CLYBL: variants seen among roughly 807,000 people sequenced by gnomAD.
CLYBL encodes the protein citramalyl-CoA lyase, also known as citramalyl-CoA lyase, mitochondrial.
A neutral mutation model predicts 38.9 loss-of-function variants in CLYBL; 31 were observed. The observed-to-expected ratio is 0.80, with a 90% CI of 0.60 to 1.08. The LOEUF (loss-of-function observed/expected upper bound fraction) is 1.08, where lower values mean the gene tolerates loss of function less well. Ranked by LOEUF, CLYBL falls within the 50% of genes least tolerant of loss-of-function variation. CLYBL has a pLI of 0.00. For synonymous variants in CLYBL, 171 were observed against 158.6 expected (o/e 1.08, Z -0.59); for missense variants, 434 against 411.6 (o/e 1.05, Z -0.47).
intron 1 of CLYBL, among the ~76,000 whole-genome samples, chr13:99,670,203 A>C (rs1475641576): frequency 2.0e-5 from 3 of 151,992 alleles, no homozygotes; most frequent in African/African-American, 7.2e-5. Flanking sequence ...CATCTTAAAA[A>C]AAAAAGAGCT....
At chr13:99,701,979 C>T in intron 1 of CLYBL, among the ~76,000 whole-genome samples, 1 of 152,070 alleles carries the variant, frequency 6.6e-6, no homozygotes, top group East Asian at 1.9e-4. Flanking sequence ...GAAGTGATAC[C>T]CCCTCTCCCC....
At chr13:99,901,158 G>A (rs1229981289), downstream of CLYBL, among the ~76,000 whole-genome samples, 4 of 152,162 alleles carry the variant, frequency 2.6e-5, no homozygotes, top group Non-Finnish European at 4.4e-5. Flanking sequence ...TGGCTCCCTC[G>A]ACACCACCTC....
intron 1 of CLYBL, among the ~76,000 whole-genome samples, chr13:99,708,270 C>A (rs1046856891): frequency 1.3e-5 from 2 of 152,200 alleles, no homozygotes; most frequent in African/African-American, 2.4e-5. Context: ...CGTGAGCCCT[C>A]ACACCCGGCC....
intron 1 of CLYBL, among the ~76,000 whole-genome samples, chr13:99,716,169 ATTTTTT>A (rs4001024): frequency 1.8e-3 from 59 of 33,444 alleles, no homozygotes; most frequent in African/African-American, 4.5e-3. Flanking sequence ...TATTGGTGTA[ATTTTTT>A]TTTTTTTTTT....
intron 2 of CLYBL, among the ~76,000 whole-genome samples, chr13:99,836,322 G>A (rs986829674): frequency 2.6e-5 from 4 of 152,272 alleles, no homozygotes; most frequent in Admixed American, 2.6e-4. Flanking sequence ...TTCTTCCCCT[G>A]GAGAGGGTGG....
At chr13:99,702,251 G>A (rs1362973524) in intron 1 of CLYBL, among the ~76,000 whole-genome samples, 1 of 152,014 alleles carries the variant, frequency 6.6e-6, no homozygotes, top group Non-Finnish European at 1.5e-5. Context: ...TAAGGTGCTG[G>A]GATCACAGGT....
At chr13:99,736,220 T>C (rs2048666190) in intron 1 of CLYBL, among the ~76,000 whole-genome samples, 1 of 149,616 alleles carries the variant, frequency 6.7e-6, no homozygotes. Context: ...AATTTTTGTA[T>C]TTTTAGTAGA....
intron 1 of CLYBL, among the ~76,000 whole-genome samples, chr13:99,653,472 C>T (rs1181284030): frequency 6.6e-6 from 1 of 152,166 alleles, no homozygotes; most frequent in Non-Finnish European, 1.5e-5. Flanking sequence ...TGGCAGGGGT[C>T]TCTGCCTCCC....
intron 2 of CLYBL, among the ~76,000 whole-genome samples, chr13:99,789,486 G>A (rs2049870976): frequency 6.6e-6 from 1 of 152,296 alleles, no homozygotes; most frequent in Non-Finnish European, 1.5e-5. Flanking sequence ...AGGTTGTTCA[G>A]TTTCCATGTA....
intron 4 of CLYBL, among the ~76,000 whole-genome samples, chr13:99,864,351 AT>A (rs2051685433): frequency 6.6e-6 from 1 of 151,998 alleles, no homozygotes; most frequent in Non-Finnish European, 1.5e-5. Flanking sequence ...TTGCATTTTT[AT>A]TTTCCCCTCC....
intron 1 of CLYBL, among the ~76,000 whole-genome samples, chr13:99,710,312 G>C (rs1361374452): frequency 6.6e-6 from 1 of 152,144 alleles, no homozygotes; most frequent in Non-Finnish European, 1.5e-5. Context: ...CAGAGGCCCA[G>C]AGCAATGTCG....
intron 1 of CLYBL, among the ~76,000 whole-genome samples, chr13:99,644,896 C>T (rs2047154553): frequency 1.3e-5 from 2 of 152,212 alleles, no homozygotes; most frequent in South Asian, 2.1e-4. Context: ...ATATGTACCA[C>T]AATTTCTTGA....
At chr13:99,884,096 G>A (rs145890885) in intron 7 of CLYBL, among the ~76,000 whole-genome samples, 3 of 152,248 alleles carry the variant, frequency 2.0e-5, no homozygotes, top group East Asian at 1.9e-4. Flanking sequence ...AGGCTCAAGC[G>A]ATCTTCCCCA....
chr13:99,902,408 G>A (rs916642009), intron 8 of CLYBL, among the ~76,000 whole-genome samples: 1 of 152,134 alleles, frequency 6.6e-6, no homozygotes, highest in Admixed American at 6.5e-5. Context: ...TAAGGTAAAT[G>A]TTTTCAAAAT....
intron 7 of CLYBL, among the ~76,000 whole-genome samples, chr13:99,873,256 G>A (rs995022848): frequency 3.3e-5 from 5 of 152,222 alleles, no homozygotes; most frequent in African/African-American, 1.2e-4. Context: ...TGGATCTGCA[G>A]GTAGGTGACT....
At chr13:99,702,894 T>C (rs963661730) in intron 1 of CLYBL, among the ~76,000 whole-genome samples, 4 of 152,238 alleles carry the variant, frequency 2.6e-5, no homozygotes, top group Non-Finnish European at 4.4e-5. Flanking sequence ...ATCAGTTACC[T>C]TCCTGGAGGT....
chr13:99,767,204 T>C (rs1425292613), intron 1 of CLYBL, among the ~76,000 whole-genome samples: 2 of 152,222 alleles, frequency 1.3e-5, no homozygotes, highest in Admixed American at 1.3e-4. Context: ...AGAAATCCAA[T>C]TGTCTTACCA....
chr13:99,607,815 C>A (rs547166868), intron 1 of CLYBL, among the ~76,000 whole-genome samples: 43 of 152,168 alleles, frequency 2.8e-4, no homozygotes, highest in African/African-American at 8.2e-4. Flanking sequence ...GTAATCTCGG[C>A]TTACTGCAAC....
chr13:99,797,346 C>A (rs1464523599), intron 2 of CLYBL, among the ~76,000 whole-genome samples: 2 of 152,130 alleles, frequency 1.3e-5, no homozygotes, highest in African/African-American at 4.8e-5. Flanking sequence ...GATAGTTCCA[C>A]TGACATGAAA....
Sources: allele counts gnomAD v4.1 joint callset (sites outside exome capture counted in the v4.1 genomes callset), GRCh38; gene constraint gnomAD v4.1.1; transcripts MANE v1.5; gene names NCBI Gene and HGNC (gene_info 2026-07-23, HGNC 2026-07-21).